The following PCDH15 variants were observed in gnomAD, a reference collection of about 807,000 sequenced individuals.
The protein encoded by PCDH15 is protocadherin-15.
Under a neutral mutation model 178.5 loss-of-function variants are expected in PCDH15, and 129 were observed. The observed-to-expected ratio is 0.72, with a 90% CI of 0.63 to 0.84. PCDH15 has a LOEUF of 0.84. PCDH15 is among the 40% of genes least tolerant of loss of function. The pLI is 0.00. For synonymous variants in PCDH15, 800 were observed against 732.0 expected, an observed-to-expected ratio of 1.09 and a Z score of -1.50; for missense variants, 2,230 against 2,099.9, an observed-to-expected ratio of 1.06 and a Z score of -1.21.
chr10:54,331,583 G>A (rs907163936), intron 6 of PCDH15, among the ~76,000 whole-genome samples: 1 of 152,000 alleles, frequency 6.6e-6, no homozygotes, highest in African/African-American at 2.4e-5. Context: ...ATCTAAACAT[G>A]TAAGTTGAAT....
chr10:54,794,884 T>C (rs1387546671), intron 1 of PCDH15, among the ~76,000 whole-genome samples: 1 of 151,940 alleles, frequency 6.6e-6, no homozygotes, highest in Non-Finnish European at 1.5e-5. Flanking sequence ...ATAACAAATT[T>C]AGTAAAAAGT....
intron 3 of PCDH15, among the ~76,000 whole-genome samples, chr10:54,495,120 T>C (rs1335022326): frequency 6.6e-6 from 1 of 152,138 alleles, no homozygotes; most frequent in Non-Finnish European, 1.5e-5. Context: ...AGTGTGAGAA[T>C]CAGGTGGTGT....
chr10:53,828,728 T>C (rs1336639117), intron 30 of PCDH15, among the ~76,000 whole-genome samples, 155 bp from the exon 31 acceptor site: 5 of 152,106 alleles, frequency 3.3e-5, no homozygotes, highest in African/African-American at 9.7e-5. Context: ...ACTAAGGATA[T>C]CAATTCAAAA....
chr10:54,347,136 C>G (rs1255950750), intron 5 of PCDH15, among the ~76,000 whole-genome samples: 1 of 152,072 alleles, frequency 6.6e-6, no homozygotes, highest in Non-Finnish European at 1.5e-5. Context: ...ACCTAAATTG[C>G]TAGTCTTAAT....
At chr10:55,134,759 T>G (rs184741544) in intron 2 of PCDH15, among the ~76,000 whole-genome samples, 32 of 152,320 alleles carry the variant, frequency 2.1e-4, no homozygotes, top group African/African-American at 7.7e-4. Context: ...CATGTGAGTT[T>G]TCCATGATCA....
chr10:54,986,035 C>T (rs1181257250), intron 2 of PCDH15, among the ~76,000 whole-genome samples: 1 of 152,122 alleles, frequency 6.6e-6, no homozygotes, highest in Non-Finnish European at 1.5e-5. Flanking sequence ...GAATTTCTTT[C>T]TCTTGTCATT....
Position 53,827,431 on chromosome 10 carries a change from TGGCGGA to T in PCDH15, c.4323_4328del (p.Pro1442_Pro1443del), listed in dbSNP as rs764861755. 13 of 1,612,982 alleles carry T rather than the reference TGGCGGA, an allele frequency of 8.1e-6. No individual in the cohort carries two copies. Among genetic ancestry groups the T allele is most frequent in the East Asian group, 6.7e-5 (3 of 44,842 alleles). On this transcript the variant is annotated inframe_deletion, in exon 32 of 38. Transcript: ENST00000644397. The stretch of plus-strand genomic sequence containing the variant: ...CAAGTTCTTCATAGAGATGCGCACC[TGGCGGA>T]GGCGGCGGCGGCGGCGGGGGCGCTG...
At chr10:55,004,775 G>A (rs1839883582) in intron 2 of PCDH15, among the ~76,000 whole-genome samples, 1 of 152,136 alleles carries the variant, frequency 6.6e-6, no homozygotes, top group South Asian at 2.1e-4. Context: ...TTTCTGTGCA[G>A]TGAGCAGGAA....
intron 3 of PCDH15, among the ~76,000 whole-genome samples, chr10:54,514,310 C>G (rs936723803): frequency 6.6e-6 from 1 of 152,010 alleles, no homozygotes; most frequent in Middle Eastern, 3.2e-3. Context: ...AATGTTCACA[C>G]AGCTTCCTAT....
At chr10:54,935,089 G>A (rs1404932743) in intron 2 of PCDH15, among the ~76,000 whole-genome samples, 1 of 150,558 alleles carries the variant, frequency 6.6e-6, no homozygotes, top group Non-Finnish European at 1.5e-5. Context: ...GTGGGGTGTG[G>A]GGAGGGGGGA....
chr10:55,423,661 C>T (rs1303412334), intron 2 of PCDH15, among the ~76,000 whole-genome samples: 2 of 151,988 alleles, frequency 1.3e-5, no homozygotes, highest in East Asian at 3.9e-4. Flanking sequence ...GGAAGCCTTA[C>T]CACCTACTAG....
intron 26 of PCDH15, among the ~76,000 whole-genome samples, chr10:53,874,409 G>A (rs1451134580): frequency 6.6e-6 from 1 of 152,106 alleles, no homozygotes; most frequent in Admixed American, 6.6e-5. Flanking sequence ...AATCTAGGAC[G>A]AAATACAGCC....
intron 3 of PCDH15, among the ~76,000 whole-genome samples, chr10:54,403,218 C>G (rs1952165527): frequency 6.6e-6 from 1 of 151,960 alleles, no homozygotes; most frequent in Admixed American, 6.6e-5. Flanking sequence ...CTCTACATAG[C>G]TATGAAGGCT....
chr10:54,605,198 T>A (rs1485711438), intron 2 of PCDH15, among the ~76,000 whole-genome samples: 1 of 152,000 alleles, frequency 6.6e-6, no homozygotes, highest in Non-Finnish European at 1.5e-5. Context: ...AATATAGTAT[T>A]TTTTATTTGC....
intron 1 of PCDH15, among the ~76,000 whole-genome samples, chr10:54,708,801 TGC>T (rs58888332): frequency 0.038 from 4,717 of 125,186 alleles, 188 homozygotes; most frequent in African/African-American, 0.1. Flanking sequence ...TGTGTGTGTG[TGC>T]GCGCGCGTGC....
In PCDH15 at chr10:53,806,536, A is replaced by G; in HGVS notation, c.*43T>C. 1 of 1,431,870 alleles carries G rather than the reference A, an allele frequency of 7.0e-7. No homozygotes were observed. Among genetic ancestry groups the G allele is most frequent in the Non-Finnish European group, 9.4e-7 (1 of 1,058,670 alleles). The allele number at this position is 1,431,870 out of a possible 1,614,324, so 88.7% of individuals were successfully genotyped here. Reference sequence around the variant, plus strand: ...GACAATAAAAAGCACAGTTTATTAAAAATGTAAGTAAAAATTAATTAAAAT... The same window carrying G: ...GACAATAAAAAGCACAGTTTATTAAGAATGTAAGTAAAAATTAATTAAAAT... On this transcript the variant is annotated 3_prime_UTR_variant, in exon 38 of 38. Transcript: ENST00000644397.
At chr10:54,273,167 T>G (rs1202212456) in intron 8 of PCDH15, among the ~76,000 whole-genome samples, 1 of 152,024 alleles carries the variant, frequency 6.6e-6, no homozygotes, top group Non-Finnish European at 1.5e-5. Flanking sequence ...AACAGAAGCT[T>G]GCATGTAATT....
chr10:54,457,335 T>C (rs551550611), intron 3 of PCDH15, among the ~76,000 whole-genome samples: 1 of 152,284 alleles, frequency 6.6e-6, no homozygotes, highest in African/African-American at 2.4e-5. Context: ...TTAGGAAGAT[T>C]AAAACCCATA....
intron 18 of PCDH15, among the ~76,000 whole-genome samples, chr10:54,058,348 C>T (rs1381797777): frequency 6.6e-6 from 1 of 152,216 alleles, no homozygotes; most frequent in African/African-American, 2.4e-5. Context: ...TTTCACATGG[C>T]TCAGGAGGCC....
Sources: allele counts gnomAD v4.1 joint callset (sites outside exome capture counted in the v4.1 genomes callset), GRCh38; gene constraint gnomAD v4.1.1; transcripts MANE v1.5; gene names NCBI Gene and HGNC (gene_info 2026-07-23, HGNC 2026-07-21).